The following STK39 variants were observed in gnomAD, a reference collection of about 807,000 sequenced individuals.
STK39 encodes serine/threonine kinase 39.
In STK39, 20 loss-of-function variants were observed where a neutral mutation model predicts 77.8. The ratio of observed to expected loss-of-function variants is 0.26; its 90% CI spans 0.18 to 0.37. STK39 has a LOEUF of 0.37. Among genes scored for constraint, STK39 ranks in the 10% least tolerant of loss-of-function variants. The pLI is 1.00. For synonymous variants in STK39, 246 were observed against 234.1 expected, an observed-to-expected ratio of 1.05 and a Z score of -0.47; for missense variants, 479 against 656.5, an observed-to-expected ratio of 0.73 and a Z score of 2.95.
intron 8 of STK39, among the ~76,000 whole-genome samples, chr2:168,133,252 A>G (rs1357221767): frequency 6.6e-6 from 1 of 152,164 alleles, no homozygotes; most frequent in African/African-American, 2.4e-5. Context: ...TGGTAACCAA[A>G]AATGTAAAAG....
At chr2:168,186,723 G>GCT (rs1156475415) in intron 1 of STK39, among the ~76,000 whole-genome samples, 1 of 152,074 alleles carries the variant, frequency 6.6e-6, no homozygotes, top group African/African-American at 2.4e-5. Flanking sequence ...TAAATGTTAG[G>GCT]CTCTCTCTCT....
intron 10 of STK39, among the ~76,000 whole-genome samples, chr2:168,108,751 TC>T (rs1687046812): frequency 6.6e-6 from 1 of 152,174 alleles, no homozygotes; most frequent in African/African-American, 2.4e-5. Context: ...CACGCATATT[TC>T]AATTCATCTT....
intron 14 of STK39, among the ~76,000 whole-genome samples, chr2:168,054,740 T>A (rs186677026): frequency 3.2e-4 from 48 of 150,508 alleles, no homozygotes; most frequent in Admixed American, 1.0e-3. Flanking sequence ...ATTCGTCCTA[T>A]CCATTACTCT....
intron 10 of STK39, among the ~76,000 whole-genome samples, chr2:168,089,802 G>A (rs1686469614): frequency 6.6e-6 from 1 of 152,144 alleles, no homozygotes; most frequent in Admixed American, 6.5e-5. Flanking sequence ...TAGCAGAGAT[G>A]GGGCTTCTCC....
rs200084949 is a variant in STK39, at chr2:167,955,478, G to C, written c.*18C>G. ...GCGGTGGGGCATGACAGATCAGGGTGACATCAAGGGACATACATCAGCTGA... is the reference window on the plus strand; with the variant it reads ...GCGGTGGGGCATGACAGATCAGGGTCACATCAAGGGACATACATCAGCTGA... On this transcript the variant is annotated 3_prime_UTR_variant, in exon 18 of 18. Coordinates refer to ENST00000355999, the MANE Select transcript of STK39 (RefSeq NM_013233.3). 18 of 1,611,446 alleles carry C rather than the reference G, an allele frequency of 1.1e-5. No individual in the cohort carries two copies. Among genetic ancestry groups the C allele is most frequent in the Non-Finnish European group, 1.4e-5 (17 of 1,179,348 alleles).
chr2:168,070,753 T>C (rs1181117533), intron 12 of STK39, among the ~76,000 whole-genome samples: 2 of 152,154 alleles, frequency 1.3e-5, no homozygotes, highest in Non-Finnish European at 2.9e-5. Flanking sequence ...GCTTCATCCA[T>C]GTCCCTACAA....
chr2:168,230,926 G>A (rs987268962), intron 1 of STK39, among the ~76,000 whole-genome samples: 1 of 152,078 alleles, frequency 6.6e-6, no homozygotes, highest in Non-Finnish European at 1.5e-5. Flanking sequence ...GCTTCGGAAT[G>A]AGCCCGTCCA....
chr2:167,968,708 C>T (rs536572078), intron 16 of STK39, among the ~76,000 whole-genome samples: 1 of 152,264 alleles, frequency 6.6e-6, no homozygotes, highest in African/African-American at 2.4e-5. Flanking sequence ...AGAAAGGCAG[C>T]ATGAGATTGC....
intron 16 of STK39, among the ~76,000 whole-genome samples, chr2:167,975,451 C>A (rs1197512532): frequency 2.0e-5 from 3 of 152,098 alleles, no homozygotes; most frequent in Non-Finnish European, 2.9e-5. Context: ...TTCCCTCTTA[C>A]AATTTCCCCC....
intron 14 of STK39, among the ~76,000 whole-genome samples, chr2:168,029,785 G>A (rs1684788487): frequency 6.6e-6 from 1 of 152,178 alleles, no homozygotes; most frequent in South Asian, 2.1e-4. Flanking sequence ...ACCATCTGTA[G>A]GAAGCAGAAG....
Position 168,210,089 on chromosome 2 carries a change from C to T in STK39, c.209-27999G>A, listed in dbSNP as rs191187756. 2.5e-4 allele frequency among the ~76,000 whole-genome samples: 32 copies of T among 127,298 alleles called. 1 individual carries two copies. The East Asian group carries it at 7.5e-3, about 30-fold the overall frequency. The allele number at this position is 127,298 out of a possible 152,430, so 83.5% of individuals were successfully genotyped here. ...AGGAAGGAAGGAAGGAAGAAAGAAACTCATGTAATTAGAAAAACCTCAATT... is the reference window on the plus strand; with the variant it reads ...AGGAAGGAAGGAAGGAAGAAAGAAATTCATGTAATTAGAAAAACCTCAATT... On this transcript the variant is annotated intron_variant, in intron 1 of 17. Coordinates refer to ENST00000355999, the MANE Select transcript of STK39 (RefSeq NM_013233.3).
intron 1 of STK39, among the ~76,000 whole-genome samples, chr2:168,182,928 T>G (rs1220777966): frequency 1.3e-5 from 2 of 152,170 alleles, no homozygotes; most frequent in Non-Finnish European, 1.5e-5. Context: ...AGAAACAGCC[T>G]GCACTCAGGA....
chr2:168,247,466 C>T lies in STK39; in HGVS notation c.-31G>A. The T allele has an allele frequency of 7.7e-7, 1 of 1,303,546 alleles. No homozygotes were observed. Among genetic ancestry groups the T allele is most frequent in the Non-Finnish European group, 9.9e-7 (1 of 1,011,532 alleles). 80.7% of individuals were successfully genotyped at this position (1,303,546 alleles called of 1,614,324 possible). A position where few individuals can be genotyped will look rare whatever the true frequency, so the allele number is the denominator to read the frequency against. On this transcript the variant is annotated 5_prime_UTR_variant, in exon 1 of 18. Transcript: ENST00000355999. ...TGCGGAGGAGAGCAGGAGGACGCGC[C>T]GGCCGACGGACGACCTTCCACTTGA...
At chr2:168,160,739 T>C (rs947595745) in intron 5 of STK39, among the ~76,000 whole-genome samples, 1 of 152,156 alleles carries the variant, frequency 6.6e-6, no homozygotes, top group African/African-American at 2.4e-5. Context: ...ACTAGACTGC[T>C]TGGGGCTGGA....
chr2:167,974,994 C>G (rs1683237796), intron 16 of STK39, among the ~76,000 whole-genome samples: 2 of 152,288 alleles, frequency 1.3e-5, no homozygotes, highest in South Asian at 4.1e-4. Flanking sequence ...TGGTCTAAGT[C>G]AAATTACCTA....
intron 17 of STK39, among the ~76,000 whole-genome samples, chr2:167,961,069 G>A (rs1352519473): frequency 6.6e-6 from 1 of 152,196 alleles, no homozygotes; most frequent in Non-Finnish European, 1.5e-5. Context: ...GAGGCACAGA[G>A]ACATGGACCT....
intron 1 of STK39, among the ~76,000 whole-genome samples, chr2:168,193,338 C>A (rs1170887499): frequency 1.3e-5 from 2 of 152,154 alleles, no homozygotes; most frequent in Non-Finnish European, 2.9e-5. Flanking sequence ...GAAGCAGGGG[C>A]ATGATGCCAT....
At chr2:168,016,760 C>T (rs910422035) in intron 15 of STK39, among the ~76,000 whole-genome samples, 12 of 152,188 alleles carry the variant, frequency 7.9e-5, no homozygotes, top group African/African-American at 2.9e-4. Context: ...TCCTTTAGGG[C>T]CTGCATTACC....
intron 10 of STK39, among the ~76,000 whole-genome samples, chr2:168,120,593 C>T (rs1283141771): frequency 6.6e-6 from 1 of 152,170 alleles, no homozygotes; most frequent in Non-Finnish European, 1.5e-5. Context: ...GTGCCCACAG[C>T]TGTGGCAGCA....
Sources: gnomAD v4.1 joint callset for allele counts (sites outside exome capture counted in the v4.1 genomes callset) on GRCh38, gnomAD v4.1.1 for gene constraint, MANE v1.5 for transcripts, NCBI Gene and HGNC (gene_info 2026-07-23, HGNC 2026-07-21) for gene names.